Variants in LAMB1 observed in about 807,000 individuals in gnomAD.
LAMB1 encodes laminin subunit beta-1.
A neutral mutation model predicts 222.3 loss-of-function variants in LAMB1; 121 were observed. That is an observed-to-expected ratio of 0.54 (90% CI 0.47 to 0.63). LAMB1 has a LOEUF of 0.63. LAMB1 is among the 30% of genes least tolerant of loss of function. The pLI, the probability that LAMB1 is intolerant of heterozygous loss-of-function variation, is 0.00. For synonymous variants in LAMB1, 794 were observed against 807.2 expected (o/e 0.98, Z 0.28); for missense variants, 2,172 against 2,240.8 (o/e 0.97, Z 0.62).
In LAMB1 at chr7:107,960,665, A is replaced by T; in HGVS notation, c.2110-16T>A. Reference sequence around the variant, plus strand: ...TGAGAACAAGCTGTGAAGAAATGAGAACGGCCAAACATCCTTACAGTGGTG... The same window carrying T: ...TGAGAACAAGCTGTGAAGAAATGAGTACGGCCAAACATCCTTACAGTGGTG... On this transcript the variant is annotated splice_polypyrimidine_tract_variant and intron_variant, in intron 17 of 33. Coordinates refer to ENST00000222399, the MANE Select transcript of LAMB1 (RefSeq NM_002291.3). 1 of 1,610,614 alleles carries T rather than the reference A, an allele frequency of 6.2e-7. No homozygotes were observed. The highest frequency in any genetic ancestry group is 8.5e-7 in the Non-Finnish European group (1 of 1,176,744).
intron 7 of LAMB1, among the ~76,000 whole-genome samples, chr7:107,981,472 G>C (rs2033972989): frequency 6.6e-6 from 1 of 151,844 alleles, no homozygotes; most frequent in Non-Finnish European, 1.5e-5. Flanking sequence ...AATTAGCCAG[G>C]TGTGGTGGCA....
intron 4 of LAMB1, 73 bp from the exon 5 acceptor site, chr7:107,995,033 A>AT (rs1370457159): frequency 1.3e-6 from 1 of 772,830 alleles, no homozygotes; most frequent in African/African-American, 1.7e-5. Context: ...AGTTGAGACT[A>AT]TTTTTTAAAT....
At chr7:107,978,705 A>C (rs1271636539) in intron 8 of LAMB1, among the ~76,000 whole-genome samples, 1 of 152,184 alleles carries the variant, frequency 6.6e-6, no homozygotes, top group African/African-American at 2.4e-5. Context: ...TAAAATTTTA[A>C]AAATTAATCA....
At chr7:107,968,788 C>G (rs1379920209) in intron 13 of LAMB1, among the ~76,000 whole-genome samples, 1 of 152,196 alleles carries the variant, frequency 6.6e-6, no homozygotes, top group African/African-American at 2.4e-5. Flanking sequence ...GAAACAGATT[C>G]TCCTTTAGAG....
intron 23 of LAMB1, among the ~76,000 whole-genome samples, chr7:107,951,595 A>G (rs1236342038): frequency 2.6e-5 from 4 of 152,154 alleles, no homozygotes; most frequent in Non-Finnish European, 5.9e-5. Context: ...ATCAGCCACA[A>G]TCCTGGGCCA....
chr7:107,939,940 A>G (rs374885974), intron 25 of LAMB1, 49 bp downstream of exon 25: 67 of 1,574,230 alleles, frequency 4.3e-5, no homozygotes, highest in African/African-American at 3.9e-4. Context: ...TTAACTCACA[A>G]TATTTTTTCA....
At chr7:107,948,448 A>G (rs1266303177) in intron 24 of LAMB1, among the ~76,000 whole-genome samples, 1 of 152,140 alleles carries the variant, frequency 6.6e-6, no homozygotes, top group African/African-American at 2.4e-5. Context: ...ACAAGGGGAA[A>G]ATGAAACACC....
chr7:107,950,644 T>C (rs1209675150), intron 24 of LAMB1, among the ~76,000 whole-genome samples: 1 of 152,298 alleles, frequency 6.6e-6, no homozygotes. Flanking sequence ...GAGCCCTTTG[T>C]TGTGCACGAA....
At chr7:107,969,239 G>A (rs1157434351) in intron 13 of LAMB1, among the ~76,000 whole-genome samples, 1 of 146,604 alleles carries the variant, frequency 6.8e-6, no homozygotes, top group Non-Finnish European at 1.5e-5. Context: ...AGTGAGCCAA[G>A]ATCGCGCCAC....
intron 27 of LAMB1, among the ~76,000 whole-genome samples, chr7:107,933,762 A>T (rs2032768606): frequency 6.6e-6 from 1 of 152,190 alleles, no homozygotes; most frequent in South Asian, 2.1e-4. Flanking sequence ...AGACAAAAAC[A>T]CAGTAAGAGA....
chr7:107,971,231 TGCC>T, intron 13 of LAMB1, among the ~76,000 whole-genome samples: 2 of 152,246 alleles, frequency 1.3e-5, no homozygotes, highest in African/African-American at 4.8e-5. Flanking sequence ...ATTTAGAGAT[TGCC>T]TCTCTAAGGA....
At chr7:107,995,199 C>T (rs2034260603) in intron 4 of LAMB1, among the ~76,000 whole-genome samples, 1 of 152,198 alleles carries the variant, frequency 6.6e-6, no homozygotes, top group South Asian at 2.1e-4. Flanking sequence ...CAGATTGAAT[C>T]TGCTCACTGG....
Position 107,951,352 on chromosome 7 carries a change from C to T in LAMB1, c.3295-30G>A, listed in dbSNP as rs187338993. 59 of 1,599,174 alleles carry T rather than the reference C, an allele frequency of 3.7e-5. No individual in the cohort carries two copies. In the African/African-American group the frequency reaches 7.5e-4, roughly 20 times the overall value. ...GGCCAGAACACAGACCTTGGTCAAG[C>T]AGGCTTCAGGCCAGAAGCCAGTTGT... On this transcript the variant is annotated intron_variant, in intron 23 of 33. Coordinates refer to ENST00000222399, the MANE Select transcript of LAMB1 (RefSeq NM_002291.3).
In LAMB1 at chr7:107,940,527, G is replaced by A. The variant is rs75629240; in HGVS notation, c.3392-169C>T. On this transcript the variant is annotated intron_variant, in intron 24 of 33. Coordinates refer to ENST00000222399, the MANE Select transcript of LAMB1 (RefSeq NM_002291.3). Reference sequence around the variant, plus strand: ...TGTAGCAGCTTCCTCTAGCACATGCGTGACTTCAGTGGTTGCTAACCCCTT... The same window carrying A: ...TGTAGCAGCTTCCTCTAGCACATGCATGACTTCAGTGGTTGCTAACCCCTT... The A allele has an allele frequency of 6.6e-4, 422 of 635,410 alleles. 4 individuals carry two copies. The highest frequency in any genetic ancestry group is 6.6e-3 in the African/African-American group (362 of 54,566). 39.4% of individuals were successfully genotyped at this position (635,410 alleles called of 1,614,324 possible). A position where few individuals can be genotyped will look rare whatever the true frequency, so the allele number is the denominator to read the frequency against.
chr7:107,932,469 G>A (rs1163911795), intron 27 of LAMB1, 92 bp from the exon 28 acceptor site: 1 of 1,221,332 alleles, frequency 8.2e-7, no homozygotes, highest in South Asian at 1.2e-5. Context: ...CCCAGAGAAT[G>A]TGTAGGTGGT....
At position 107,929,424 on chromosome 7, in the gene LAMB1, G is replaced by T. The variant is rs2116320181; in HGVS notation, c.4733C>A (p.Ala1578Asp). 8.1e-6 allele frequency: 13 copies of T among 1,613,768 alleles called. No individual in the cohort carries two copies. The highest frequency in any genetic ancestry group is 1.1e-5 in the Non-Finnish European group (13 of 1,179,786). ...TGTCTTTAGATACCTTGCTCTTTTA[G>T]CTTCTTCTAACAACATCTCAGCTCT... ...IARAEMLLEE[A>D]KRASKSATDV... is the part of the protein sequence containing the mutation. Residue 1578 changes from alanine (A) to aspartate (D), a missense_variant, in exon 30 of 34, where the codon GCT becomes GAT. Physicochemically the swap from Ala to Asp is moderately radical, Grantham distance 126 (BLOSUM62 -2). Transcript: ENST00000222399.
In LAMB1 at chr7:107,966,280, G is replaced by A. The variant is rs765021412; in HGVS notation, c.1563-1593C>T. 7.2e-5 allele frequency among the ~76,000 whole-genome samples: 11 copies of A among 151,738 alleles called. 1 individual carries two copies. The highest frequency in any genetic ancestry group is 4.2e-4 in the South Asian group (2 of 4,784). On this transcript the variant is annotated intron_variant, in intron 13 of 33. Transcript: ENST00000222399. ...CGCTGGAGTACAGTGGAACGATCTCGGTTCACTGCAACCTCCGCCTCTTGG... is the reference window on the plus strand; with the variant it reads ...CGCTGGAGTACAGTGGAACGATCTCAGTTCACTGCAACCTCCGCCTCTTGG...
chr7:107,994,707 G>C (rs938801232), intron 5 of LAMB1, among the ~76,000 whole-genome samples, 180 bp downstream of exon 5: 3 of 152,178 alleles, frequency 2.0e-5, no homozygotes, highest in African/African-American at 2.4e-5. Flanking sequence ...CATGAAGATA[G>C]AGTATTTGTT....
At chr7:107,954,331 A>AT (rs35519789) in intron 21 of LAMB1, among the ~76,000 whole-genome samples, 522 of 133,644 alleles carry the variant, frequency 3.9e-3, no homozygotes, top group South Asian at 0.022. Flanking sequence ...ATTTTGTAAA[A>AT]TTTTTTTTTT....
Sources: allele counts gnomAD v4.1 joint callset (sites outside exome capture counted in the v4.1 genomes callset), GRCh38; gene constraint gnomAD v4.1.1; transcripts MANE v1.5; gene names NCBI Gene and HGNC (gene_info 2026-07-23, HGNC 2026-07-21).